LARGE1: variants seen among roughly 807,000 people sequenced by gnomAD.
The protein encoded by LARGE1 is xylosyl- and glucuronyltransferase LARGE1.
In LARGE1, 43 loss-of-function variants were observed where a neutral mutation model predicts 87.6. That is an observed-to-expected ratio of 0.49 (90% CI 0.38 to 0.63). LARGE1 has a LOEUF of 0.63. Ranked by LOEUF, LARGE1 falls within the 30% of genes least tolerant of loss-of-function variation. LARGE1 has a pLI of 0.00. For synonymous variants in LARGE1, 434 were observed against 394.6 expected, an observed-to-expected ratio of 1.10 and a Z score of -1.18; for missense variants, 802 against 1,000.2, an observed-to-expected ratio of 0.80 and a Z score of 2.67.
intron 2 of LARGE1, among the ~76,000 whole-genome samples, chr22:33,660,616 C>T (rs1052859100): frequency 3.3e-5 from 5 of 152,302 alleles, no homozygotes; most frequent in African/African-American, 9.6e-5. Context: ...CATCCTTTCT[C>T]CTTCCCCAGT....
chr22:33,519,301 A>AG (rs1375072186), intron 6 of LARGE1, among the ~76,000 whole-genome samples: 2 of 151,958 alleles, frequency 1.3e-5, no homozygotes, highest in Non-Finnish European at 2.9e-5. Flanking sequence ...AAGGAGACCC[A>AG]GGGGGGCTCC....
chr22:33,689,369 C>T (rs1205018711), intron 2 of LARGE1, among the ~76,000 whole-genome samples: 1 of 152,180 alleles, frequency 6.6e-6, no homozygotes, highest in Non-Finnish European at 1.5e-5. Flanking sequence ...GCATTCAGCG[C>T]ACTTCCAGGG....
chr22:33,567,134 C>A (rs796747769), intron 5 of LARGE1, among the ~76,000 whole-genome samples: 17 of 152,292 alleles, frequency 1.1e-4, no homozygotes, highest in African/African-American at 4.1e-4. Context: ...CATGAGTCAG[C>A]ATGGGGAACC....
chr22:33,904,554 T>C (rs943702658), intron 1 of LARGE1, among the ~76,000 whole-genome samples: 3 of 152,088 alleles, frequency 2.0e-5, no homozygotes, highest in African/African-American at 4.8e-5. Context: ...TGGCATCCCA[T>C]GGGGACAGGC....
At chr22:33,356,960 T>C (rs1017000935) in intron 9 of LARGE1, among the ~76,000 whole-genome samples, 2 of 152,180 alleles carry the variant, frequency 1.3e-5, no homozygotes. Context: ...AGCATGGAGA[T>C]TTCTCAAAGA....
intron 1 of LARGE1, among the ~76,000 whole-genome samples, chr22:33,803,766 G>A (rs1280981132): frequency 6.6e-6 from 1 of 152,222 alleles, no homozygotes; most frequent in Admixed American, 6.5e-5. Flanking sequence ...TACGAGGGAA[G>A]CTCATTAGAG....
intron 6 of LARGE1, among the ~76,000 whole-genome samples, chr22:33,540,886 C>A (rs138913194): frequency 1.3e-5 from 2 of 151,864 alleles, no homozygotes; most frequent in East Asian, 1.9e-4. Flanking sequence ...GTAATCCCAG[C>A]ACTTTGAGAG....
At chr22:33,287,597 C>A (rs554391212) in intron 12 of LARGE1, among the ~76,000 whole-genome samples, 2 of 152,196 alleles carry the variant, frequency 1.3e-5, no homozygotes, top group African/African-American at 4.8e-5. Flanking sequence ...CAGCCTGGGT[C>A]TTTCTGTTCT....
chr22:33,404,472 G>C (rs1219204858), intron 7 of LARGE1, among the ~76,000 whole-genome samples: 1 of 152,172 alleles, frequency 6.6e-6, no homozygotes, highest in African/African-American at 2.4e-5. Context: ...CTACCTAATA[G>C]AAAGTGGCTC....
intron 11 of LARGE1, among the ~76,000 whole-genome samples, chr22:33,224,499 A>C (rs1346959369): frequency 6.6e-6 from 1 of 152,190 alleles, no homozygotes; most frequent in Non-Finnish European, 1.5e-5. Flanking sequence ...ACCTAACCTA[A>C]GGAGAAGCTC....
intron 2 of LARGE1, among the ~76,000 whole-genome samples, chr22:33,712,636 CAG>C (rs1491427142): frequency 2.0e-5 from 2 of 101,540 alleles, no homozygotes; most frequent in East Asian, 6.9e-4. Context: ...GTGAGGGGTA[CAG>C]TGTGTGTGTG....
chr22:33,171,707 G>A (rs969057252), intron 11 of LARGE1, among the ~76,000 whole-genome samples: 1 of 152,234 alleles, frequency 6.6e-6, no homozygotes, highest in Non-Finnish European at 1.5e-5. Context: ...GTTTGGGAAT[G>A]TCCACCTAGA....
chr22:33,313,754 T>C (rs1353353233), intron 11 of LARGE1, among the ~76,000 whole-genome samples: 1 of 152,172 alleles, frequency 6.6e-6, no homozygotes, highest in African/African-American at 2.4e-5. Flanking sequence ...CCAAATGAGC[T>C]TGGATGTGGA....
At chr22:33,268,038 C>T (rs895355129), downstream of LARGE1, among the ~76,000 whole-genome samples, 2 of 151,302 alleles carry the variant, frequency 1.3e-5, no homozygotes, top group African/African-American at 4.9e-5. Flanking sequence ...TCACTGCAAC[C>T]TCCGCCTTCT....
intron 11 of LARGE1, among the ~76,000 whole-genome samples, chr22:33,237,581 A>G (rs746657098): frequency 3.3e-5 from 5 of 152,256 alleles, no homozygotes; most frequent in Admixed American, 6.5e-5. Context: ...GTAATAAGAA[A>G]TAGAAATACT....
intron 6 of LARGE1, among the ~76,000 whole-genome samples, chr22:33,485,230 T>C (rs1425714141): frequency 6.7e-6 from 1 of 150,118 alleles, no homozygotes; most frequent in Non-Finnish European, 1.5e-5. Flanking sequence ...TTTTTTTTTT[T>C]TGAGACAGAG....
the LARGE1 span, among the ~76,000 whole-genome samples, chr22:33,120,497 C>T: frequency 6.7e-6 from 1 of 148,978 alleles, no homozygotes; most frequent in Admixed American, 6.8e-5. Flanking sequence ...TCCTTTCTTT[C>T]CTTCTTTCTT....
At chr22:33,155,113 G>A in the LARGE1 span, among the ~76,000 whole-genome samples, 1 of 152,168 alleles carries the variant, frequency 6.6e-6, no homozygotes, top group Non-Finnish European at 1.5e-5. Flanking sequence ...GTCTTTGTCA[G>A]CAGTGGTACC....
At chr22:33,134,348 T>C in the LARGE1 span, among the ~76,000 whole-genome samples, 1 of 144,824 alleles carries the variant, frequency 6.9e-6, no homozygotes, top group Non-Finnish European at 1.5e-5. Flanking sequence ...AAGCTCCGCC[T>C]CCCGGGTTCA....
Sources: gnomAD v4.1 joint callset for allele counts (sites outside exome capture counted in the v4.1 genomes callset) on GRCh38, gnomAD v4.1.1 for gene constraint, MANE v1.5 for transcripts, NCBI Gene and HGNC (gene_info 2026-07-23, HGNC 2026-07-21) for gene names.